NRXN3: variants seen among roughly 807,000 people sequenced by gnomAD.
NRXN3 encodes the protein neurexin 3.
A neutral mutation model predicts 137.6 loss-of-function variants in NRXN3; 32 were observed. That is an observed-to-expected ratio of 0.23 (90% CI 0.18 to 0.31). The LOEUF is 0.31. NRXN3 is among the 10% of genes least tolerant of loss of function. NRXN3 has a pLI of 1.00. For synonymous variants in NRXN3, 798 were observed against 784.5 expected (o/e 1.02, Z -0.29); for missense variants, 1,574 against 2,062.5 (o/e 0.76, Z 4.59).
At chr14:79,669,967 A>G (rs931304390) in intron 17 of NRXN3, among the ~76,000 whole-genome samples, 6 of 152,088 alleles carry the variant, frequency 3.9e-5, no homozygotes, top group African/African-American at 1.4e-4. Flanking sequence ...TCTTTCTTTC[A>G]GACTGACTAC....
At chr14:79,038,174 C>G (rs1003456215) in intron 15 of NRXN3, among the ~76,000 whole-genome samples, 1 of 151,948 alleles carries the variant, frequency 6.6e-6, no homozygotes, top group African/African-American at 2.4e-5. Flanking sequence ...GGGAACATTA[C>G]TTACAATTTA....
chr14:78,444,845 G>C (rs2094368109), intron 4 of NRXN3, among the ~76,000 whole-genome samples: 1 of 142,404 alleles, frequency 7.0e-6, no homozygotes, highest in African/African-American at 2.6e-5. Flanking sequence ...CGTGAACCCG[G>C]GAGGCAGAGG....
At chr14:78,701,698 A>G (rs1160400104) in intron 6 of NRXN3, among the ~76,000 whole-genome samples, 1 of 152,188 alleles carries the variant, frequency 6.6e-6, no homozygotes, top group Non-Finnish European at 1.5e-5. Context: ...AGAGTGTTGG[A>G]TCACATAGAA....
chr14:79,581,292 C>G (rs2153810856), intron 16 of NRXN3, among the ~76,000 whole-genome samples: 1 of 152,328 alleles, frequency 6.6e-6, no homozygotes, highest in East Asian at 1.9e-4. Context: ...TCTCAACACT[C>G]ATCTCCACCT....
chr14:78,257,432 G>A (rs1364553134), intron 2 of NRXN3, among the ~76,000 whole-genome samples: 1 of 152,234 alleles, frequency 6.6e-6, no homozygotes, highest in Non-Finnish European at 1.5e-5. Flanking sequence ...CTAATAGCAG[G>A]TAGAATGTTT....
At chr14:78,577,471 A>T (rs2096948054) in intron 4 of NRXN3, among the ~76,000 whole-genome samples, 1 of 152,092 alleles carries the variant, frequency 6.6e-6, no homozygotes, top group Admixed American at 6.6e-5. Flanking sequence ...ATTATAGGTG[A>T]ATTTTTTTTT....
At chr14:78,312,069 C>G (rs981615553) in intron 4 of NRXN3, among the ~76,000 whole-genome samples, 5 of 152,148 alleles carry the variant, frequency 3.3e-5, no homozygotes, top group Admixed American at 6.5e-5. Flanking sequence ...CAAGTTGCCT[C>G]TAAGTCCTGG....
intron 16 of NRXN3, among the ~76,000 whole-genome samples, chr14:79,527,632 G>C (rs997415928): frequency 2.0e-5 from 3 of 151,938 alleles, no homozygotes; most frequent in South Asian, 2.1e-4. Context: ...CAGCACTTTG[G>C]GGGGCCAAGG....
intron 16 of NRXN3, among the ~76,000 whole-genome samples, chr14:79,508,389 G>GTTTTTTTTTT (rs1567328889): frequency 1.6e-4 from 2 of 12,556 alleles, no homozygotes; most frequent in African/African-American, 3.2e-4. Context: ...AACAATAACT[G>GTTTTTTTTTT]ATTTTTTTTT....
intron 16 of NRXN3, among the ~76,000 whole-genome samples, chr14:79,537,794 T>C (rs537268279): frequency 5.1e-4 from 77 of 152,364 alleles, no homozygotes; most frequent in African/African-American, 1.8e-3. Context: ...TATAATCCTT[T>C]GGGTATATAC....
At chr14:78,926,750 ATT>A (rs1491566552) in intron 10 of NRXN3, among the ~76,000 whole-genome samples, 12 of 60,380 alleles carry the variant, frequency 2.0e-4, no homozygotes, top group African/African-American at 1.1e-3. Flanking sequence ...TATATTATAT[ATT>A]ATATATATAT....
chr14:78,396,750 AT>A (rs534749781), intron 4 of NRXN3, among the ~76,000 whole-genome samples: 4 of 151,330 alleles, frequency 2.6e-5, no homozygotes, highest in Admixed American at 6.6e-5. Context: ...TGTTTTCAAG[AT>A]TTTTTTTTGG....
In NRXN3 at chr14:78,803,625, T is replaced by C. The variant is rs958782334; in HGVS notation, c.2050T>C (p.Ser684Pro). The change falls in exon 9 of 21, where the codon TCC becomes CCC. Residue 684 changes from serine to proline, a missense_variant. Ser to Pro is a moderately conservative substitution (Grantham distance 74). This residue lies in a region of NRXN3 where 718 missense variants were observed against 887.6 expected (regional missense o/e 0.81). Transcript: ENST00000335750. Reference protein sequence around the residue: ...YWGRTCEREASILSYDGSMYM... With the variant: ...YWGRTCEREAPILSYDGSMYM... ...TCTCCATTCTTCTTTGGCAGAGGCATCCATCCTGAGCTATGATGGTAGCAT... is the reference window on the plus strand; with the variant it reads ...TCTCCATTCTTCTTTGGCAGAGGCACCCATCCTGAGCTATGATGGTAGCAT... 3 of 1,613,454 alleles carry C rather than the reference T, an allele frequency of 1.9e-6. No homozygotes were observed. The African/African-American group carries it at 4.0e-5, about 22-fold the overall frequency.
At chr14:78,269,111 C>T (rs1387982667) in intron 2 of NRXN3, among the ~76,000 whole-genome samples, 1 of 152,114 alleles carries the variant, frequency 6.6e-6, no homozygotes, top group African/African-American at 2.4e-5. Flanking sequence ...GTCATTATTC[C>T]CAGTAGTTGG....
At chr14:79,195,679 A>G (rs1311063943) in intron 15 of NRXN3, among the ~76,000 whole-genome samples, 1 of 152,178 alleles carries the variant, frequency 6.6e-6, no homozygotes, top group Non-Finnish European at 1.5e-5. Context: ...TTAGAGACTC[A>G]TGCCTTTAGG....
intron 16 of NRXN3, among the ~76,000 whole-genome samples, chr14:79,474,732 T>C (rs1181473815): frequency 6.6e-6 from 1 of 152,134 alleles, no homozygotes; most frequent in Non-Finnish European, 1.5e-5. Flanking sequence ...TCGCCTGCCT[T>C]GCCCTGAAGT....
At chr14:78,962,782 C>T (rs545791213) in intron 11 of NRXN3, among the ~76,000 whole-genome samples, 5 of 151,844 alleles carry the variant, frequency 3.3e-5, no homozygotes, top group South Asian at 4.2e-4. Context: ...GGCATGATGT[C>T]GACTCACTGC....
At chr14:79,048,692 C>T (rs2099636661) in intron 15 of NRXN3, among the ~76,000 whole-genome samples, 1 of 150,416 alleles carries the variant, frequency 6.6e-6, no homozygotes, top group African/African-American at 2.4e-5. Context: ...GCTGACTGAT[C>T]AGGGTGGTGG....
chr14:78,382,976 A>C (rs1016167442), intron 4 of NRXN3, among the ~76,000 whole-genome samples: 21 of 152,144 alleles, frequency 1.4e-4, no homozygotes, highest in African/African-American at 3.9e-4. Context: ...GGGTGTTCTC[A>C]TGCCATTTAA....
Sources: allele counts gnomAD v4.1 joint callset (sites outside exome capture counted in the v4.1 genomes callset), GRCh38; gene constraint gnomAD v4.1.1; regional missense constraint gnomAD v4.1.1; transcripts MANE v1.5; gene names NCBI Gene and HGNC (gene_info 2026-07-23, HGNC 2026-07-21).